The following MICALL2 variants were observed in gnomAD, a reference collection of about 807,000 sequenced individuals.
MICALL2 encodes MICAL-like protein 2.
MICALL2 carries 111 observed loss-of-function variants against 91.1 expected under a neutral mutation model. The ratio of observed to expected loss-of-function variants is 1.22; its 90% CI spans 1.04 to 1.43. MICALL2 has a LOEUF of 1.43. Among genes scored for constraint, MICALL2 ranks in the 40% most tolerant of loss-of-function variants. The pLI is 0.00. For synonymous variants in MICALL2, 694 were observed against 525.3 expected, an observed-to-expected ratio of 1.32 and a Z score of -4.39; for missense variants, 1,556 against 1,236.0, an observed-to-expected ratio of 1.26 and a Z score of -3.88.
rs1054684476 is a variant in MICALL2 at position 1,451,955 on chromosome 7, G to A, written c.144-1667C>T. On this transcript the variant is annotated intron_variant, in intron 1 of 16. Transcript: ENST00000297508. This position sits in a 1 kb window ranked among gnomAD's most constrained non-coding sequence, Gnocchi z 4.5. ...CTGTTTCACAGATGGGGAAACTGAG[G>A]CCAGGCAGCAGCCACACGGTGGGGT... Among the ~76,000 whole-genome samples the A allele has an allele frequency of 2.0e-5, 3 of 152,202 alleles. No individual in the cohort carries two copies. Among genetic ancestry groups the A allele is most frequent in the Non-Finnish European group, 2.9e-5 (2 of 68,034 alleles).
At chr7:1,439,351 T>TACGGC in intron 9 of MICALL2, 1 of 255,514 alleles carries the variant, frequency 3.9e-6, no homozygotes, top group Non-Finnish European at 7.5e-6. Flanking sequence ...CACACATGCA[T>TACGGC]CACATTCATG....
rs1308993042 is a variant in MICALL2 at position 1,434,490 on chromosome 7, C to T, written c.*106G>A. On this transcript the variant is annotated 3_prime_UTR_variant, in exon 17 of 17. Coordinates refer to ENST00000297508, the MANE Select transcript of MICALL2 (RefSeq NM_182924.4). Reference sequence around the variant, plus strand: ...TCCGAATGCCGGGTCCGGGCCGAGCCCACGGCCCCGAGTACAAGTCCGGGT... The same window carrying T: ...TCCGAATGCCGGGTCCGGGCCGAGCTCACGGCCCCGAGTACAAGTCCGGGT... 3 of 1,025,214 alleles carry T rather than the reference C, an allele frequency of 2.9e-6. No homozygotes were observed. The highest frequency in any genetic ancestry group is 4.6e-6 in the Non-Finnish European group (3 of 649,922). The allele number at this position is 1,025,214 out of a possible 1,614,324, so 63.5% of individuals were successfully genotyped here.
chr7:1,434,984 C>CGGGGGG, intron 16 of MICALL2, 117 bp downstream of exon 16: 6 of 449,060 alleles, frequency 1.3e-5, no homozygotes, highest in East Asian at 4.0e-5. Flanking sequence ...ACCCGATACC[C>CGGGGGG]GCCCCCCCCC....
Position 1,440,624 on chromosome 7 carries a change from A to C in MICALL2, c.1772T>G (p.Leu591Arg). The C allele has an allele frequency of 6.2e-7, 1 of 1,612,694 alleles. No individual in the cohort carries two copies. Among genetic ancestry groups the C allele is most frequent in the Non-Finnish European group, 8.5e-7 (1 of 1,179,926 alleles). ...EDGPAGWRANLKPVDRRSPAE... is the reference protein window; with the variant it reads ...EDGPAGWRANRKPVDRRSPAE... ...TGGGCTTCTCCTGTCCACGGGCTTC[A>C]GATTCGCTCTCCATCCTGCCGGCCC... is the stretch of plus-strand genomic sequence containing the variant. Residue 591 changes from leucine to arginine, a missense_variant, in exon 8 of 17, where the codon CTG (leucine) becomes CGG (arginine). Coordinates refer to ENST00000297508, the MANE Select transcript of MICALL2 (RefSeq NM_182924.4).
Position 1,444,785 on chromosome 7 carries a change from C to A in MICALL2, c.1285G>T (p.Gly429Cys), listed in dbSNP as rs778504081. 6.2e-7 allele frequency: 1 copy of A among 1,611,684 alleles called. No homozygotes were observed. Among genetic ancestry groups the A allele is most frequent in the Non-Finnish European group, 8.5e-7 (1 of 1,179,494 alleles). ...KFFQTSAVPP[G>C]TSLSGRGPTP... ...GGACCTCTGCCAGAAAGGCTGGTGC[C>A]GGGGGGCACTGCTGATGTTTGGAAA... The change falls in exon 6 of 17, where the codon GGC (glycine) becomes TGC (cysteine). Residue 429 changes from glycine (G) to cysteine (C), a missense_variant. By Grantham distance (159) the Gly-to-Cys change is radical. Coordinates refer to ENST00000297508, the MANE Select transcript of MICALL2 (RefSeq NM_182924.4).
In MICALL2 at chr7:1,440,236, G is replaced by A. The variant is rs944299614; in HGVS notation, c.1806-151C>T. 53 of 923,756 alleles carry A rather than the reference G, an allele frequency of 5.7e-5. 1 individual carries two copies. The highest frequency in any genetic ancestry group is 8.5e-5 in the Non-Finnish European group (53 of 623,532). 57.2% of individuals were successfully genotyped at this position (923,756 alleles called of 1,614,324 possible). A position where few individuals can be genotyped will look rare whatever the true frequency, so the allele number is the denominator to read the frequency against. On this transcript the variant is annotated intron_variant, in intron 8 of 16. Transcript: ENST00000297508. ...TCCCAGCCCACTGACTACACCTGCT[G>A]GGACCCTCCTGCAAACACACGTGTC...
chr7:1,453,063 G>A (rs917216467), intron 1 of MICALL2, among the ~76,000 whole-genome samples: 7 of 150,986 alleles, frequency 4.6e-5, no homozygotes, highest in African/African-American at 1.7e-4. Context: ...TCAGGGGCCC[G>A]ATGCTGGCAG....
Position 1,459,253 on chromosome 7 carries a change from T to C in MICALL2, c.74A>G (p.Asn25Ser), listed in dbSNP as rs755664208. Residue 25 changes from asparagine (N) to serine (S), a missense_variant, in exon 1 of 17, where the codon AAC becomes AGC. Asn to Ser is a conservative substitution (Grantham distance 46, BLOSUM62 1). Coordinates refer to ENST00000297508, the MANE Select transcript of MICALL2 (RefSeq NM_182924.4). ...CEGYRDVNIC[N>S]MTTSFRDGLA... ...GCCGTCGCGGAACGACGTGGTCATGTTGCAGATATTCACGTCGCGGTAGCC... is the reference window on the plus strand; with the variant it reads ...GCCGTCGCGGAACGACGTGGTCATGCTGCAGATATTCACGTCGCGGTAGCC... 2 of 1,610,784 alleles carry C rather than the reference T, an allele frequency of 1.2e-6. No individual in the cohort carries two copies. Among genetic ancestry groups the C allele is most frequent in the Non-Finnish European group, 1.7e-6 (2 of 1,178,956 alleles).
rs765587382 is a variant in MICALL2, at chr7:1,448,775, G to C, written c.193-14C>G. On this transcript the variant is annotated splice_polypyrimidine_tract_variant and intron_variant, in intron 2 of 16. Coordinates refer to ENST00000297508, the MANE Select transcript of MICALL2 (RefSeq NM_182924.4). ...CACGCGGAAGGCCTGCGAAAGGTGG[G>C]AGGGGGTCAGCGGGGCAGCTGGGAG... The C allele has an allele frequency of 6.2e-7, 1 of 1,611,866 alleles. No homozygotes were observed. The highest frequency in any genetic ancestry group is 1.3e-5 in the African/African-American group (1 of 74,940).
intron 4 of MICALL2, 75 bp from the exon 5 acceptor site, chr7:1,446,903 C>A: frequency 9.6e-7 from 1 of 1,038,902 alleles, no homozygotes; most frequent in Non-Finnish European, 1.4e-6. Flanking sequence ...CACAGGTGGC[C>A]GGAAGAGCCC....
rs1426707788 is a variant in MICALL2, at chr7:1,445,220, G to A, written c.850C>T (p.Pro284Ser). ...CCCGCAGCAGGCTCCCAGGCCGACG[G>A]TCTGGCCTTGTTTGCCTCCTGGGCC... ...QKAQEANKARPSAWEPAAGNS... is the reference protein window; with the variant it reads ...QKAQEANKARSSAWEPAAGNS... Residue 284 changes from proline (P) to serine (S), a missense_variant, in exon 6 of 17, where the codon CCG (proline) becomes TCG (serine). Transcript: ENST00000297508. 4 of 1,609,190 alleles carry A rather than the reference G, an allele frequency of 2.5e-6. No individual in the cohort carries two copies. The East Asian group carries it at 6.7e-5, about 27-fold the overall frequency.
intron 12 of MICALL2, 50 bp from the exon 13 acceptor site, chr7:1,438,030 C>G: frequency 7.1e-6 from 11 of 1,556,670 alleles, no homozygotes; most frequent in Non-Finnish European, 9.6e-6. Flanking sequence ...AGTTCATGGC[C>G]CCCAGCCCCA....
Position 1,459,346 on chromosome 7 carries a change from C to A in MICALL2, c.-20G>T, listed in dbSNP as rs1283909906. ...CGCCATGTGGGCGGCGCGCCCGCCG[C>A]GCGGCGGAACCGCCCTCCGACACCT... On this transcript the variant is annotated 5_prime_UTR_variant, in exon 1 of 17. Transcript: ENST00000297508. 6.8e-7 allele frequency: 1 copy of A among 1,480,638 alleles called. No individual in the cohort carries two copies. The highest frequency in any genetic ancestry group is 1.3e-5 in the South Asian group (1 of 78,352). The allele number at this position is 1,480,638 out of a possible 1,614,324, so 91.7% of individuals were successfully genotyped here. A position where few individuals can be genotyped will look rare whatever the true frequency, so the allele number is the denominator to read the frequency against.
intron 16 of MICALL2, 115 bp from the exon 17 acceptor site, chr7:1,434,787 G>A: frequency 8.9e-7 from 1 of 1,124,294 alleles, no homozygotes; most frequent in East Asian, 2.5e-5. Context: ...AATCCGCCCT[G>A]GGCCTCCGAG....
rs985784333 is a variant in MICALL2 at position 1,439,276 on chromosome 7, G to C, written c.1967-281C>G. ...GGATCCAGGGCAGCTATGAGTGCTAGGAATACACACAGAGATGTGTGTGCA... is the reference window on the plus strand; with the variant it reads ...GGATCCAGGGCAGCTATGAGTGCTACGAATACACACAGAGATGTGTGTGCA... On this transcript the variant is annotated intron_variant, in intron 9 of 16. Transcript: ENST00000297508. 1.5e-5 allele frequency: 7 copies of C among 457,052 alleles called. No individual in the cohort carries two copies. In the Admixed American group the frequency reaches 1.6e-4, roughly 10 times the overall value. The allele number at this position is 457,052 out of a possible 1,614,324, so 28.3% of individuals were successfully genotyped here.
At position 1,444,938 on chromosome 7, in the gene MICALL2, C is replaced by T; in HGVS notation, c.1132G>A (p.Gly378Ser). ...APDPRPATPQ[G>S]GGAPRVAAPQ... The stretch of plus-strand genomic sequence containing the variant: ...GCTGCCACTCGGGGGGCTCCCCCAC[C>T]CTGGGGTGTGGCCGGGCGAGGGTCT... Residue 378 changes from glycine to serine, a missense_variant, in exon 6 of 17, where the codon GGT (glycine) becomes AGT (serine). Coordinates refer to ENST00000297508, the MANE Select transcript of MICALL2 (RefSeq NM_182924.4). The T allele has an allele frequency of 2.0e-6, 3 of 1,518,826 alleles. No homozygotes were observed. Among genetic ancestry groups the T allele is most frequent in the Non-Finnish European group, 2.6e-6 (3 of 1,135,442 alleles). The allele number at this position is 1,518,826 out of a possible 1,614,324, so 94.1% of individuals were successfully genotyped here.
At chr7:1,437,744 G>A (rs1334695799) in intron 13 of MICALL2, 136 bp from the exon 14 acceptor site, 40 of 1,225,544 alleles carry the variant, frequency 3.3e-5, no homozygotes, top group South Asian at 5.2e-5. Flanking sequence ...TCCCCCGCCT[G>A]GCCCACCCAG....
rs201148298 is a variant in MICALL2, at chr7:1,442,332, C to G, written c.1571G>C (p.Ser524Thr). The change falls in exon 7 of 17, where the codon AGT (serine) becomes ACT (threonine). Residue 524 changes from serine to threonine, a missense_variant. Transcript: ENST00000297508. ...GGGCAACGCGGATGCCTGAGAGGTACTGCTCGTGCTCAGCGGGGCTGGCGG... is the reference window on the plus strand; with the variant it reads ...GGGCAACGCGGATGCCTGAGAGGTAGTGCTCGTGCTCAGCGGGGCTGGCGG... ...MEPPAPLSTS[S>T]TSQASALPPA... is the part of the protein sequence containing the mutation. 6.1e-5 allele frequency: 99 copies of G among 1,613,202 alleles called. No individual in the cohort carries two copies. In the East Asian group the frequency reaches 2.2e-3, roughly 35 times the overall value.
Position 1,451,516 on chromosome 7 carries a change from T to C in MICALL2, c.144-1228A>G, listed in dbSNP as rs1343980764. Reference sequence around the variant, plus strand: ...ACCCCGTCTCAGAAAAACAAAAATATAGTGATCGTGACCCGTCTGTCCACG... The same window carrying C: ...ACCCCGTCTCAGAAAAACAAAAATACAGTGATCGTGACCCGTCTGTCCACG... On this transcript the variant is annotated intron_variant, in intron 1 of 16. Coordinates refer to ENST00000297508, the MANE Select transcript of MICALL2 (RefSeq NM_182924.4). This position sits in a 1 kb window ranked among gnomAD's most constrained non-coding sequence, Gnocchi z 4.5. Among the ~76,000 whole-genome samples, 1 of 152,038 alleles carries C rather than the reference T, an allele frequency of 6.6e-6. No homozygotes were observed. The highest frequency in any genetic ancestry group is 2.4e-5 in the African/African-American group (1 of 41,400).
Sources: allele counts gnomAD v4.1 joint callset (sites outside exome capture counted in the v4.1 genomes callset), GRCh38; gene constraint gnomAD v4.1.1; non-coding constraint Gnocchi (gnomAD v3.1); transcripts MANE v1.5; gene names NCBI Gene and HGNC (gene_info 2026-07-23, HGNC 2026-07-21).